Variants in AVEN observed in about 807,000 individuals in gnomAD.
AVEN encodes the protein apoptosis and caspase activation inhibitor.
A neutral mutation model predicts 38.1 loss-of-function variants in AVEN; 41 were observed. The observed-to-expected ratio is 1.08, with a 90% CI of 0.84 to 1.40. The LOEUF (loss-of-function observed/expected upper bound fraction) is 1.40, where lower values mean the gene tolerates loss of function less well. Among genes scored for constraint, AVEN ranks in the 40% most tolerant of loss-of-function variants. AVEN has a pLI of 0.00. For synonymous variants in AVEN, 206 were observed against 171.8 expected (o/e 1.20, Z -1.56); for missense variants, 605 against 438.8 (o/e 1.38, Z -3.38).
intron 2 of AVEN, among the ~76,000 whole-genome samples, chr15:33,914,007 G>A (rs1472826662): frequency 2.6e-5 from 4 of 152,090 alleles, no homozygotes; most frequent in Admixed American, 2.6e-4. Flanking sequence ...TAACAACATT[G>A]TAAAGTCAGG....
chr15:33,996,845 T>C (rs1437945990), intron 2 of AVEN, among the ~76,000 whole-genome samples: 1 of 152,176 alleles, frequency 6.6e-6, no homozygotes, highest in East Asian at 1.9e-4. Context: ...CAAAGCTGGA[T>C]GGAGAATGAC....
chr15:34,027,801 C>G (rs892237539), intron 1 of AVEN, among the ~76,000 whole-genome samples: 1 of 144,074 alleles, frequency 6.9e-6, no homozygotes, highest in Non-Finnish European at 1.5e-5. Flanking sequence ...TCACAGCTAC[C>G]TGAGGCAAGG....
intron 2 of AVEN, among the ~76,000 whole-genome samples, chr15:33,938,409 C>G (rs561752676): frequency 5.3e-5 from 8 of 151,732 alleles, no homozygotes; most frequent in Non-Finnish European, 1.2e-4. Context: ...GAGCCGAGAT[C>G]GCGCCACTGC....
chr15:34,016,852 C>A (rs1174664669), intron 1 of AVEN, among the ~76,000 whole-genome samples: 1 of 152,120 alleles, frequency 6.6e-6, no homozygotes, highest in African/African-American at 2.4e-5. Context: ...CCAACACCCA[C>A]GTGTGGTGGC....
intron 2 of AVEN, among the ~76,000 whole-genome samples, chr15:33,898,946 G>A (rs1182369654): frequency 6.6e-6 from 1 of 152,136 alleles, no homozygotes; most frequent in African/African-American, 2.4e-5. Context: ...GAGAAGAGTA[G>A]GACATTCCGA....
At chr15:33,995,641 A>G (rs1470035004) in intron 2 of AVEN, among the ~76,000 whole-genome samples, 3 of 152,148 alleles carry the variant, frequency 2.0e-5, no homozygotes, top group African/African-American at 7.2e-5. Context: ...ACATTTTTCG[A>G]AGTTACTGAA....
chr15:34,071,990 G>A (rs949554751), intron 1 of AVEN, among the ~76,000 whole-genome samples: 1 of 152,046 alleles, frequency 6.6e-6, no homozygotes, highest in African/African-American at 2.4e-5. Context: ...TTCTGGCCAG[G>A]CACAGGGACT....
chr15:34,024,688 TA>T (rs58379586), intron 1 of AVEN, among the ~76,000 whole-genome samples: 15,773 of 131,888 alleles, frequency 0.12, 1,057 homozygotes, highest in East Asian at 0.34. Context: ...CCGTCTCTAC[TA>T]AAAAAAAAAA....
At chr15:33,899,150 G>A (rs1181598631) in intron 2 of AVEN, among the ~76,000 whole-genome samples, 3 of 152,184 alleles carry the variant, frequency 2.0e-5, no homozygotes, top group African/African-American at 7.2e-5. Context: ...GGGGACCACT[G>A]AGAGAGTTAA....
At chr15:33,912,275 TACTG>T (rs369517153) in intron 2 of AVEN, among the ~76,000 whole-genome samples, 218 of 152,360 alleles carry the variant, frequency 1.4e-3, no homozygotes, top group African/African-American at 5.1e-3. Context: ...GTTGGCTGCC[TACTG>T]ACTATTTGCA....
chr15:34,005,870 G>A lies in AVEN; in HGVS notation c.268-2661C>T, dbSNP rs187010603. 5.6e-4 allele frequency among the ~76,000 whole-genome samples: 85 copies of A among 152,238 alleles called. No homozygotes were observed. In the East Asian group the frequency reaches 0.01, roughly 19 times the overall value. ...AGCCTCCCTGTCAAAACAAAAAGAT[G>A]GCGTTCTACATTATGATCTAGGGAC... is the stretch of plus-strand genomic sequence containing the variant. On this transcript the variant is annotated intron_variant, in intron 1 of 5. Transcript: ENST00000306730.
At chr15:33,963,518 C>T (rs999172792) in intron 2 of AVEN, among the ~76,000 whole-genome samples, 2 of 152,066 alleles carry the variant, frequency 1.3e-5, no homozygotes, top group Admixed American at 6.5e-5. Context: ...AGAACCCAGC[C>T]GGGCGCGGTG....
chr15:33,867,935 G>T, intron 4 of AVEN, 80 bp from the exon 5 acceptor site: 1 of 1,480,254 alleles, frequency 6.8e-7, no homozygotes, highest in Non-Finnish European at 9.0e-7. Context: ...GAGGCTAAAC[G>T]AAGCCATCAA....
intron 2 of AVEN, among the ~76,000 whole-genome samples, chr15:33,909,803 T>C (rs994238120): frequency 2.0e-5 from 3 of 152,134 alleles, no homozygotes; most frequent in Non-Finnish European, 4.4e-5. Context: ...TGCCACAACT[T>C]TGCATTTATG....
upstream of AVEN, among the ~76,000 whole-genome samples, chr15:34,039,330 C>T (rs989015438): frequency 6.6e-6 from 1 of 151,106 alleles, no homozygotes; most frequent in South Asian, 2.1e-4. Flanking sequence ...ATTCTCAAGG[C>T]ATCAGAGATA....
intron 2 of AVEN, among the ~76,000 whole-genome samples, chr15:33,993,774 A>G (rs1896824976): frequency 6.6e-6 from 1 of 152,182 alleles, no homozygotes; most frequent in African/African-American, 2.4e-5. Context: ...CGCAATCATG[A>G]TATCTGGAAT....
At chr15:33,862,855 C>T (rs1383893739), downstream of AVEN, among the ~76,000 whole-genome samples, 1 of 152,130 alleles carries the variant, frequency 6.6e-6, no homozygotes, top group Non-Finnish European at 1.5e-5. Flanking sequence ...AAGTGATCCA[C>T]CTGCCTTGGC....
At chr15:34,040,981 T>A (rs963889096), upstream of AVEN, among the ~76,000 whole-genome samples, 4 of 151,922 alleles carry the variant, frequency 2.6e-5, no homozygotes, top group East Asian at 7.8e-4. Flanking sequence ...CATGGAAGAA[T>A]ATGGTTAAAT....
intron 2 of AVEN, among the ~76,000 whole-genome samples, chr15:33,966,202 G>T (rs1895375999): frequency 6.6e-6 from 1 of 152,110 alleles, no homozygotes; most frequent in South Asian, 2.1e-4. Context: ...TTTGCAAAGT[G>T]TTCTCCTATG....
Sources: allele counts gnomAD v4.1 joint callset (sites outside exome capture counted in the v4.1 genomes callset), GRCh38; gene constraint gnomAD v4.1.1; transcripts MANE v1.5; gene names NCBI Gene and HGNC (gene_info 2026-07-23, HGNC 2026-07-21).